Variants in DRAM1 observed in about 807,000 individuals in gnomAD.
The protein encoded by DRAM1 is DNA damage regulated autophagy modulator 1.
A neutral mutation model predicts 28.5 loss-of-function variants in DRAM1; 25 were observed. The observed-to-expected ratio is 0.88, with a 90% CI of 0.64 to 1.23. The LOEUF is 1.23. DRAM1 is among the 50% of genes most tolerant of loss of function. DRAM1 has a pLI of 0.00. For missense variants in DRAM1, 249 were observed against 299.2 expected (o/e 0.83, Z 1.24); for synonymous variants, 113 against 114.2 (o/e 0.99, Z 0.07).
intron 1 of DRAM1, among the ~76,000 whole-genome samples, chr12:101,890,971 G>T (rs4764829): frequency 0.64 from 95,864 of 150,886 alleles, 31,970 homozygotes; most frequent in East Asian, 0.91. Context: ...GGATGGTCTC[G>T]ATCTCTTGAC....
intron 1 of DRAM1, among the ~76,000 whole-genome samples, chr12:101,880,278 C>CTTT (rs61082909): frequency 1.4e-5 from 1 of 70,096 alleles, no homozygotes; most frequent in Non-Finnish European, 2.5e-5. Context: ...GCAATGCTTC[C>CTTT]TTTTTTTTTT....
At chr12:101,908,129 C>A in intron 3 of DRAM1, 57 bp from the exon 4 acceptor site, 1 of 1,458,504 alleles carries the variant, frequency 6.9e-7, no homozygotes, top group Non-Finnish European at 9.3e-7. Context: ...AGAGTGCTTG[C>A]GGTTCGATGT....
intron 1 of DRAM1, among the ~76,000 whole-genome samples, chr12:101,880,255 C>T (rs1462146864): frequency 7.9e-6 from 1 of 126,532 alleles, no homozygotes. Flanking sequence ...GAGATGGCAT[C>T]TTGCTGTGTC....
intron 1 of DRAM1, among the ~76,000 whole-genome samples, chr12:101,887,742 T>C (rs1315786333): frequency 1.3e-5 from 2 of 152,150 alleles, no homozygotes; most frequent in African/African-American, 2.4e-5. Flanking sequence ...TTTCACCATG[T>C]TGGCCAGGCT....
At chr12:101,878,047 AG>A in intron 1 of DRAM1, 127 bp downstream of exon 1, 4 of 1,261,872 alleles carry the variant, frequency 3.2e-6, no homozygotes, top group Non-Finnish European at 4.1e-6. Flanking sequence ...AGGTGGGAGC[AG>A]GAGGAGAGGT....
intron 1 of DRAM1, among the ~76,000 whole-genome samples, chr12:101,880,361 C>A (rs1454778503): frequency 7.2e-6 from 1 of 138,816 alleles, no homozygotes; most frequent in African/African-American, 2.7e-5. Context: ...AATCTCGGCT[C>A]AGTGCAACCT....
At chr12:101,878,995 A>AT (rs1379814262) in intron 1 of DRAM1, among the ~76,000 whole-genome samples, 12 of 130,354 alleles carry the variant, frequency 9.2e-5, no homozygotes, top group Middle Eastern at 7.9e-3. Flanking sequence ...CATTTTTTAA[A>AT]ATTTTTTTTA....
intron 1 of DRAM1, among the ~76,000 whole-genome samples, chr12:101,889,334 T>C (rs1006010591): frequency 2.0e-5 from 3 of 152,176 alleles, no homozygotes; most frequent in Non-Finnish European, 4.4e-5. Context: ...GTTCCTAAAT[T>C]GTTTCCATTG....
intron 3 of DRAM1, among the ~76,000 whole-genome samples, chr12:101,904,559 A>G (rs111688334): frequency 0.11 from 16,805 of 148,266 alleles, 987 homozygotes; most frequent in Middle Eastern, 0.2. Flanking sequence ...CTCCTGCCTC[A>G]GCCTCCCAAG....
intron 1 of DRAM1, among the ~76,000 whole-genome samples, chr12:101,878,976 G>A (rs532486469): frequency 1.3e-5 from 2 of 149,392 alleles, no homozygotes; most frequent in South Asian, 4.4e-4. Context: ...TCGAGCAAGA[G>A]GGGACTAGCA....
chr12:101,904,925 C>T (rs113326892), intron 3 of DRAM1, among the ~76,000 whole-genome samples: 18 of 152,108 alleles, frequency 1.2e-4, no homozygotes, highest in Non-Finnish European at 2.1e-4. Flanking sequence ...GAAAGGGTCT[C>T]GCTCCTTCAC....
At chr12:101,889,503 A>G (rs1415220087) in intron 1 of DRAM1, among the ~76,000 whole-genome samples, 1 of 141,390 alleles carries the variant, frequency 7.1e-6, no homozygotes, top group African/African-American at 2.8e-5. Context: ...GTAAGGAAGG[A>G]AAGGAAGGAA....
In DRAM1 at chr12:101,920,185, T is replaced by C. The variant is rs1874424447; in HGVS notation, c.656T>C (p.Phe219Ser). Residue 219 changes from phenylalanine (F) to serine (S), a missense_variant, in exon 6 of 7, where the codon TTC (phenylalanine) becomes TCC (serine). Phe to Ser is a radical substitution (Grantham distance 155). Transcript: ENST00000258534. ...GGTTTTATTTTCTACTTCCTAACTT[T>C]CATCCAAGATTTCCAGGTAGGTGTT... ...AFGFIFYFLTFIQDFQSVTLR... is the reference protein window; with the variant it reads ...AFGFIFYFLTSIQDFQSVTLR... The C allele has an allele frequency of 6.2e-7, 1 of 1,610,214 alleles. No individual in the cohort carries two copies. The highest frequency in any genetic ancestry group is 8.5e-7 in the Non-Finnish European group (1 of 1,177,974).
intron 1 of DRAM1, among the ~76,000 whole-genome samples, chr12:101,890,908 G>A (rs1178915457): frequency 2.6e-5 from 4 of 151,794 alleles, no homozygotes; most frequent in Admixed American, 2.6e-4. Context: ...CCGCCACCAC[G>A]CCCAGCTAAT....
chr12:101,917,504 T>C (rs924261962), intron 5 of DRAM1, among the ~76,000 whole-genome samples: 2 of 151,162 alleles, frequency 1.3e-5, no homozygotes, highest in African/African-American at 4.9e-5. Context: ...CTGGCCAATA[T>C]GGCGAAACCC....
chr12:101,889,374 T>C (rs1257715874), intron 1 of DRAM1, among the ~76,000 whole-genome samples: 5 of 152,186 alleles, frequency 3.3e-5, no homozygotes, highest in Non-Finnish European at 7.3e-5. Context: ...TTCTTTCCTC[T>C]TGGAAGTCCC....
rs757483062 is a variant in DRAM1 at position 101,902,072 on chromosome 12, A to G, written c.342+639A>G. ...TTGTTAAGAGTGTGAAAATATTTGTATGTGTTTACCAATTCTACCATTTAA... is the reference window on the plus strand; with the variant it reads ...TTGTTAAGAGTGTGAAAATATTTGTGTGTGTTTACCAATTCTACCATTTAA... On this transcript the variant is annotated intron_variant, in intron 3 of 6. Coordinates refer to ENST00000258534, the MANE Select transcript of DRAM1 (RefSeq NM_018370.3). Among the ~76,000 whole-genome samples, 52 of 152,078 alleles carry G rather than the reference A, an allele frequency of 3.4e-4. 2 individuals carry two copies. Among genetic ancestry groups the G allele is most frequent in the Non-Finnish European group, 1.0e-4 (7 of 68,022 alleles).
At chr12:101,881,775 A>C (rs888045046) in intron 1 of DRAM1, among the ~76,000 whole-genome samples, 1 of 152,162 alleles carries the variant, frequency 6.6e-6, no homozygotes, top group Admixed American at 6.6e-5. Flanking sequence ...TAAAAATTGC[A>C]CCTGACCACT....
intron 3 of DRAM1, among the ~76,000 whole-genome samples, chr12:101,906,523 T>C (rs758787237): frequency 6.6e-6 from 1 of 152,196 alleles, no homozygotes; most frequent in Non-Finnish European, 1.5e-5. Flanking sequence ...TCCATCTAAA[T>C]GTTCCTCGAC....
Sources: allele counts gnomAD v4.1 joint callset (sites outside exome capture counted in the v4.1 genomes callset), GRCh38; gene constraint gnomAD v4.1.1; transcripts MANE v1.5; gene names NCBI Gene and HGNC (gene_info 2026-07-23, HGNC 2026-07-21).